The following KIF3B variants were observed in gnomAD, a reference collection of about 807,000 sequenced individuals.
KIF3B encodes the protein kinesin family member 3B, also known as kinesin-like protein KIF3B.
In KIF3B, 38 loss-of-function variants were observed where a neutral mutation model predicts 74.3. The ratio of observed to expected loss-of-function variants is 0.51; its 90% confidence interval spans 0.39 to 0.67. The LOEUF is 0.67. Among genes scored for constraint, KIF3B ranks in the 30% least tolerant of loss-of-function variants. KIF3B has a pLI of 0.00. For synonymous variants in KIF3B, 326 were observed against 342.5 expected (o/e 0.95, Z 0.53); for missense variants, 649 against 932.0 (o/e 0.70, Z 3.95).
chr20:32,326,640 T>C, intron 5 of KIF3B, 131 bp from the exon 6 acceptor site: 1 of 597,426 alleles, frequency 1.7e-6, no homozygotes, highest in Non-Finnish European at 3.0e-6. Context: ...GTTAGGCCCA[T>C]CGTACTTGCT....
chr20:32,323,046 A>T (rs60671865), intron 5 of KIF3B, among the ~76,000 whole-genome samples: 3,752 of 32,546 alleles, frequency 0.12, 75 homozygotes, highest in East Asian at 0.36. Context: ...ATTTATATTT[A>T]TATATATTTA....
intron 1 of KIF3B, among the ~76,000 whole-genome samples, chr20:32,281,122 A>G (rs181076084): frequency 6.6e-6 from 1 of 152,190 alleles, no homozygotes; most frequent in African/African-American, 2.4e-5. Flanking sequence ...GACAATAACA[A>G]TAAGGTGCCT....
chr20:32,309,694 A>G lies in KIF3B; in HGVS notation c.-65-19A>G. On this transcript the variant is annotated intron_variant, in intron 1 of 8. Coordinates refer to ENST00000375712, the MANE Select transcript of KIF3B (RefSeq NM_004798.4). ...AATGACAACGGTACTGTGCTTATTT[A>G]CTTTTGCTTTTTCTCTAGGACCGTA... 4 of 1,475,272 alleles carry G rather than the reference A, an allele frequency of 2.7e-6. No individual in the cohort carries two copies. Among genetic ancestry groups the G allele is most frequent in the Non-Finnish European group, 2.7e-6 (3 of 1,095,672 alleles). 91.4% of individuals were successfully genotyped at this position (1,475,272 alleles called of 1,614,324 possible). A position where few individuals can be genotyped will look rare whatever the true frequency, so the allele number is the denominator to read the frequency against.
In KIF3B at chr20:32,309,752, A is replaced by G. The variant is rs1389286092; in HGVS notation, c.-26A>G. On this transcript the variant is annotated 5_prime_UTR_variant, in exon 2 of 9. Coordinates refer to ENST00000375712, the MANE Select transcript of KIF3B (RefSeq NM_004798.4). ...GAGACATTTTGAATTGACACTTCTC[A>G]AGATTTGACTGGATCAGAGTTCATC... The G allele has an allele frequency of 6.3e-7, 1 of 1,591,220 alleles. No homozygotes were observed. Among genetic ancestry groups the G allele is most frequent in the African/African-American group, 1.4e-5 (1 of 74,062 alleles).
intron 2 of KIF3B, among the ~76,000 whole-genome samples, chr20:32,314,865 C>T (rs1354584657): frequency 6.6e-6 from 1 of 152,146 alleles, no homozygotes; most frequent in African/African-American, 2.4e-5. Context: ...TCCTGCCATC[C>T]AGGCCCAATA....
intron 1 of KIF3B, among the ~76,000 whole-genome samples, chr20:32,278,521 G>A (rs1042793035): frequency 1.3e-5 from 2 of 152,116 alleles, no homozygotes; most frequent in African/African-American, 4.8e-5. Context: ...AGGTGTAGGT[G>A]TGTAGAGTGC....
chr20:32,309,672 G>T, intron 1 of KIF3B, 41 bp from the exon 2 acceptor site: 1 of 1,307,058 alleles, frequency 7.7e-7, no homozygotes, highest in South Asian at 1.5e-5. Flanking sequence ...AGGCTGCAAT[G>T]ACAACGGTAC....
intron 6 of KIF3B, 94 bp from the exon 7 acceptor site, chr20:32,327,462 C>A: frequency 1.1e-6 from 1 of 948,154 alleles, no homozygotes; most frequent in Non-Finnish European, 1.7e-6. Flanking sequence ...GCCTGCAGTC[C>A]AGGGAGTTAC....
Position 32,333,057 on chromosome 20 carries a change from C to T in KIF3B, c.*1738C>T, listed in dbSNP as rs2122724770. 6.5e-6 allele frequency: 1 copy of T among 152,724 alleles called. No individual in the cohort carries two copies. The highest frequency in any genetic ancestry group is 1.9e-4 in the East Asian group (1 of 5,194). The allele number at this position is 152,724 out of a possible 1,614,324, so 9.5% of individuals were successfully genotyped here. Reference sequence around the variant, plus strand: ...CTAAGTGCAATGTCTTAGCATTCTGCAAAATGGAGATCTGTTGTCCAGCGG... The same window carrying T: ...CTAAGTGCAATGTCTTAGCATTCTGTAAAATGGAGATCTGTTGTCCAGCGG... On this transcript the variant is annotated 3_prime_UTR_variant, in exon 9 of 9. Coordinates refer to ENST00000375712, the MANE Select transcript of KIF3B (RefSeq NM_004798.4).
Position 32,332,026 on chromosome 20 carries a change from T to A in KIF3B, c.*707T>A, listed in dbSNP as rs2047932976. On this transcript the variant is annotated 3_prime_UTR_variant, in exon 9 of 9. Coordinates refer to ENST00000375712, the MANE Select transcript of KIF3B (RefSeq NM_004798.4). ...TGCCTTCTCTGAGTGTTTAGGGAAA[T>A]AGCTTCTTTAAAACCTCAAAACCAT... 6.5e-6 allele frequency: 1 copy of A among 152,682 alleles called. No homozygotes were observed. 9.5% of individuals were successfully genotyped at this position (152,682 alleles called of 1,614,324 possible). A position where few individuals can be genotyped will look rare whatever the true frequency, so the allele number is the denominator to read the frequency against.
chr20:32,304,222 G>A (rs2047758265), intron 1 of KIF3B, among the ~76,000 whole-genome samples: 1 of 152,174 alleles, frequency 6.6e-6, no homozygotes, highest in Admixed American at 6.5e-5. Flanking sequence ...TTGCTTAGCA[G>A]CAGAACAGTC....
intron 1 of KIF3B, among the ~76,000 whole-genome samples, chr20:32,286,036 G>A (rs2047666250): frequency 6.6e-6 from 1 of 152,186 alleles, no homozygotes; most frequent in Admixed American, 6.5e-5. Flanking sequence ...ATTAGAGAGG[G>A]AACCAGTGAT....
chr20:32,284,772 A>G (rs1452556736), intron 1 of KIF3B, among the ~76,000 whole-genome samples: 1 of 152,224 alleles, frequency 6.6e-6, no homozygotes, highest in Non-Finnish European at 1.5e-5. Context: ...TCAGTAGCAA[A>G]ACTAAGACTT....
chr20:32,316,735 C>A, intron 4 of KIF3B, 21 bp from the exon 5 acceptor site: 3 of 1,613,158 alleles, frequency 1.9e-6, no homozygotes, highest in Non-Finnish European at 2.5e-6. Flanking sequence ...CCCTCCTCAC[C>A]TGCCTCTCCC....
Position 32,287,872 on chromosome 20 carries a change from CTTTTTTTTTTTTTTTTT to C in KIF3B, c.-66+10119_-66+10135del, listed in dbSNP as rs10699896. On this transcript the variant is annotated intron_variant, in intron 1 of 8. Transcript: ENST00000375712. Reference sequence around the variant, plus strand: ...CCTTCTTAGGATCCTCTAAAAGTATCTTTTTTTTTTTTTTTTTTTTTTTTTTTTCAGATGGAGTCTCA... The same window carrying C: ...CCTTCTTAGGATCCTCTAAAAGTATCTTTTTTTTTTTCAGATGGAGTCTCA... 1.3e-4 allele frequency among the ~76,000 whole-genome samples: 6 copies of C among 47,494 alleles called. No homozygotes were observed. The East Asian group carries it at 2.9e-3, about 23-fold the overall frequency. The allele number at this position is 47,494 out of a possible 152,430, so 31.2% of individuals were successfully genotyped here. A position where few individuals can be genotyped will look rare whatever the true frequency, so the allele number is the denominator to read the frequency against.
chr20:32,311,270 G>T, intron 2 of KIF3B, 89 bp downstream of exon 2: 1 of 1,373,720 alleles, frequency 7.3e-7, no homozygotes. Context: ...CCATATGAGG[G>T]ATGATGTCTC....
intron 1 of KIF3B, among the ~76,000 whole-genome samples, chr20:32,283,192 G>A (rs531076537): frequency 6.6e-6 from 1 of 151,966 alleles, no homozygotes; most frequent in African/African-American, 2.4e-5. Context: ...ATGTACTGTC[G>A]TGCCTGGCTA....
At chr20:32,296,477 G>A (rs967855973) in intron 1 of KIF3B, among the ~76,000 whole-genome samples, 2 of 152,024 alleles carry the variant, frequency 1.3e-5, no homozygotes, top group Non-Finnish European at 2.9e-5. Flanking sequence ...GTGGGTGCCT[G>A]CCATCCCAGC....
rs2047790296 is a variant in KIF3B, at chr20:32,309,777, C to A, written c.-1C>A. On this transcript the variant is annotated 5_prime_UTR_variant, in exon 2 of 9. Coordinates refer to ENST00000375712, the MANE Select transcript of KIF3B (RefSeq NM_004798.4). ...AAGATTTGACTGGATCAGAGTTCAT[C>A]ATGTCAAAGTTGAAAAGCTCAGAGT... The A allele has an allele frequency of 1.9e-6, 3 of 1,610,078 alleles. No homozygotes were observed. The highest frequency in any genetic ancestry group is 2.5e-6 in the Non-Finnish European group (3 of 1,177,696).
Sources: allele counts gnomAD v4.1 joint callset (sites outside exome capture counted in the v4.1 genomes callset), GRCh38; gene constraint gnomAD v4.1.1; transcripts MANE v1.5; gene names NCBI Gene and HGNC (gene_info 2026-07-23, HGNC 2026-07-21).